The following SLC35D2 variants were observed in gnomAD, a reference collection of about 807,000 sequenced individuals.
The protein encoded by SLC35D2 is solute carrier family 35 member D2, also known as nucleotide sugar transporter SLC35D2.
A neutral mutation model predicts 41.8 loss-of-function variants in SLC35D2; 43 were observed. The observed-to-expected ratio is 1.03, with a 90% CI of 0.81 to 1.33. The LOEUF (loss-of-function observed/expected upper bound fraction) is 1.33, where lower values mean the gene tolerates loss of function less well. Ranked by LOEUF, SLC35D2 falls within the 40% of genes most tolerant of loss-of-function variation. The probability of loss-of-function intolerance (pLI) is 0.00; values close to 1 mark genes in which losing one functional copy is unlikely to be tolerated. For missense variants in SLC35D2, 380 were observed against 408.4 expected (o/e 0.93, Z 0.60); for synonymous variants, 150 against 163.9 (o/e 0.92, Z 0.65).
chr9:96,376,041 A>G lies in SLC35D2; in HGVS notation c.158+7436T>C, dbSNP rs180843198. ...CCGGGCACAGTGGCTCATGCCTGTA[A>G]TCTTAGCACTTTGGGAGGCTGAGGC... On this transcript the variant is annotated intron_variant, in intron 1 of 11. Coordinates refer to ENST00000253270, the MANE Select transcript of SLC35D2 (RefSeq NM_007001.3). Among the ~76,000 whole-genome samples, 408 of 151,990 alleles carry G rather than the reference A, an allele frequency of 2.7e-3. 3 individuals are homozygous for G. The highest frequency in any genetic ancestry group is 4.1e-3 in the Non-Finnish European group (280 of 67,964).
intron 9 of SLC35D2, among the ~76,000 whole-genome samples, chr9:96,334,714 A>G (rs1783042764): frequency 6.6e-6 from 1 of 152,158 alleles, no homozygotes; most frequent in Admixed American, 6.5e-5. Flanking sequence ...ACCACAATGA[A>G]CATCGCCTGA....
chr9:96,355,660 C>A (rs1829994715), intron 4 of SLC35D2, among the ~76,000 whole-genome samples: 1 of 151,924 alleles, frequency 6.6e-6, no homozygotes, highest in South Asian at 2.1e-4. Context: ...ACACACCCAG[C>A]TAATTTTTGT....
chr9:96,343,934 A>C lies in SLC35D2; in HGVS notation c.654T>G (p.Ile218Met). 1 of 1,594,926 alleles carries C rather than the reference A, an allele frequency of 6.3e-7. No homozygotes were observed. The highest frequency in any genetic ancestry group is 8.5e-7 in the Non-Finnish European group (1 of 1,172,588). The change falls in exon 8 of 12, where the codon ATT becomes ATG. Residue 218 changes from isoleucine to methionine, a missense_variant. Physicochemically the swap from Ile to Met is conservative, Grantham distance 10. Transcript: ENST00000253270. ...GCAGGTCTCCAGTGGAGACACTAAT[A>C]ATAAGAGTTGGGATAATCATGAAGC... is the stretch of plus-strand genomic sequence containing the variant. ...NACFMIIPTL[I>M]ISVSTGDLQQ...
At chr9:96,316,838 T>C (rs115568193), downstream of SLC35D2, among the ~76,000 whole-genome samples, 80,732 of 151,522 alleles carry the variant, frequency 0.53, 21,674 homozygotes, top group African/African-American at 0.6. Context: ...ACTTTATATA[T>C]ATATAAAGTA....
At chr9:96,363,941 T>C (rs796840817) in intron 3 of SLC35D2, among the ~76,000 whole-genome samples, 22 of 152,360 alleles carry the variant, frequency 1.4e-4, no homozygotes, top group African/African-American at 5.3e-4. Flanking sequence ...TTCATTTATT[T>C]GATGTCAGTT....
At chr9:96,370,067 G>T (rs66843688) in intron 1 of SLC35D2, among the ~76,000 whole-genome samples, 7,041 of 152,146 alleles carry the variant, frequency 0.046, 199 homozygotes, top group African/African-American at 0.079. Flanking sequence ...GAAAGCTGCC[G>T]GATAATAGCA....
chr9:96,336,277 G>A (rs569857452), intron 9 of SLC35D2, among the ~76,000 whole-genome samples: 1 of 152,052 alleles, frequency 6.6e-6, no homozygotes. Context: ...CTGGAGGCAG[G>A]AGCCTGTAGT....
downstream of SLC35D2, among the ~76,000 whole-genome samples, chr9:96,319,680 G>A (rs1160645377): frequency 6.6e-6 from 1 of 151,920 alleles, no homozygotes; most frequent in Admixed American, 6.6e-5. Context: ...TAATTTTTTT[G>A]TAGAGATGAT....
At chr9:96,345,628 T>C (rs2130915033) in intron 6 of SLC35D2, among the ~76,000 whole-genome samples, 1 of 152,310 alleles carries the variant, frequency 6.6e-6, no homozygotes, top group Middle Eastern at 3.4e-3. Context: ...CAGAGCGACA[T>C]TAAGCATCTT....
chr9:96,358,298 T>C (rs1007012995), intron 4 of SLC35D2, among the ~76,000 whole-genome samples: 7 of 151,718 alleles, frequency 4.6e-5, no homozygotes, highest in Non-Finnish European at 1.0e-4. Flanking sequence ...AAATGTAAAC[T>C]ATAAAAATTC....
chr9:96,337,102 C>T (rs1361535444), intron 8 of SLC35D2, among the ~76,000 whole-genome samples: 1 of 152,224 alleles, frequency 6.6e-6, no homozygotes, highest in Admixed American at 6.6e-5. Flanking sequence ...ATCGCTGAGG[C>T]TATCATTGAT....
At position 96,360,194 on chromosome 9, in the gene SLC35D2, C is replaced by T. The variant is rs1367269307; in HGVS notation, c.307G>A (p.Gly103Arg). 6 of 1,612,386 alleles carry T rather than the reference C, an allele frequency of 3.7e-6. No individual in the cohort carries two copies. The highest frequency in any genetic ancestry group is 5.1e-6 in the Non-Finnish European group (6 of 1,179,156). The change falls in exon 4 of 12, where the codon GGA becomes AGA. Residue 103 changes from glycine (G) to arginine (R), a missense_variant. By Grantham distance (125) the Gly-to-Arg change is moderately radical. Transcript: ENST00000253270. Reference sequence around the variant, plus strand: ...CTTGATAATCCACTTATGTGGTTTCCAACGTAGAGGAGAGGCAGAGGAAAC... The same window carrying T: ...CTTGATAATCCACTTATGTGGTTTCTAACGTAGAGGAGAGGCAGAGGAAAC... ...KLFPLPLLYV[G>R]NHISGLSSTS...
At chr9:96,334,519 T>C (rs1035212640) in intron 9 of SLC35D2, among the ~76,000 whole-genome samples, 4 of 152,026 alleles carry the variant, frequency 2.6e-5, no homozygotes, top group African/African-American at 7.2e-5. Flanking sequence ...GCAACTGTAA[T>C]CCCAGCTACT....
At chr9:96,375,495 T>G (rs976664550) in intron 1 of SLC35D2, among the ~76,000 whole-genome samples, 21 of 151,484 alleles carry the variant, frequency 1.4e-4, no homozygotes, top group African/African-American at 5.1e-4. Flanking sequence ...AGAGAATCAC[T>G]TGAACCCAGG....
intron 8 of SLC35D2, among the ~76,000 whole-genome samples, chr9:96,340,955 T>C (rs1393410232): frequency 2.0e-5 from 3 of 152,246 alleles, no homozygotes; most frequent in South Asian, 2.1e-4. Context: ...CAAGCCAGAA[T>C]AGGAGGAGGA....
chr9:96,318,539 C>T (rs781700345), downstream of SLC35D2, among the ~76,000 whole-genome samples: 8 of 151,968 alleles, frequency 5.3e-5, no homozygotes, highest in Admixed American at 1.3e-4. Flanking sequence ...AACAATAAAA[C>T]AAACAATTTG....
At chr9:96,335,258 A>T (rs1828995868) in intron 9 of SLC35D2, among the ~76,000 whole-genome samples, 1 of 152,232 alleles carries the variant, frequency 6.6e-6, no homozygotes, top group Non-Finnish European at 1.5e-5. Flanking sequence ...CCGCTCAGGG[A>T]GGATACTCCC....
At chr9:96,318,257 C>T (rs1158892892), downstream of SLC35D2, among the ~76,000 whole-genome samples, 3 of 151,930 alleles carry the variant, frequency 2.0e-5, no homozygotes, top group East Asian at 1.9e-4. Context: ...CTTGGGAGTT[C>T]GAGATCAGCC....
chr9:96,381,974 C>G (rs1221885609), intron 1 of SLC35D2, among the ~76,000 whole-genome samples: 3 of 152,144 alleles, frequency 2.0e-5, no homozygotes, highest in African/African-American at 7.2e-5. Flanking sequence ...CACATCAGAT[C>G]TGAAAGTGTC....
Sources: gnomAD v4.1 joint callset for allele counts (sites outside exome capture counted in the v4.1 genomes callset) on GRCh38, gnomAD v4.1.1 for gene constraint, MANE v1.5 for transcripts, NCBI Gene and HGNC (gene_info 2026-07-23, HGNC 2026-07-21) for gene names.